SPON1: variants seen among roughly 807,000 people sequenced by gnomAD.
SPON1 encodes the protein spondin-1.
Under a neutral mutation model 111.7 loss-of-function variants are expected in SPON1, and 52 were observed. That is an observed-to-expected ratio of 0.47 (90% confidence interval 0.37 to 0.59). SPON1 has a LOEUF of 0.59. SPON1 is among the 20% of genes least tolerant of loss of function. The pLI is 0.00. For synonymous variants in SPON1, 410 were observed against 395.8 expected (o/e 1.04, Z -0.43); for missense variants, 957 against 1,068.5 (o/e 0.90, Z 1.46).
At chr11:14,202,364 T>A (rs1022813057) in intron 6 of SPON1, among the ~76,000 whole-genome samples, 6 of 152,172 alleles carry the variant, frequency 3.9e-5, no homozygotes, top group Non-Finnish European at 8.8e-5. Flanking sequence ...GAGTTTTTAG[T>A]GTATGCAGCT....
chr11:14,102,559 G>A (rs1849152267), intron 5 of SPON1, among the ~76,000 whole-genome samples: 2 of 152,146 alleles, frequency 1.3e-5, no homozygotes, highest in Non-Finnish European at 2.9e-5. Flanking sequence ...CAGTTTTGTA[G>A]CAAATCAAAA....
At chr11:13,995,389 A>G (rs1458785251) in intron 2 of SPON1, among the ~76,000 whole-genome samples, 1 of 152,274 alleles carries the variant, frequency 6.6e-6, no homozygotes, top group South Asian at 2.1e-4. Flanking sequence ...ACAGTTCTGC[A>G]TAGCTGGGGA....
intron 5 of SPON1, among the ~76,000 whole-genome samples, chr11:14,084,871 GT>G (rs1395949599): frequency 1.3e-5 from 2 of 152,104 alleles, no homozygotes; most frequent in African/African-American, 2.4e-5. Flanking sequence ...TCTCATTGTG[GT>G]TTTGATTTGC....
At chr11:14,248,740 G>A (rs1449071548) in intron 7 of SPON1, among the ~76,000 whole-genome samples, 1 of 152,158 alleles carries the variant, frequency 6.6e-6, no homozygotes, top group East Asian at 1.9e-4. Flanking sequence ...TCGCCGCCCA[G>A]TGGAAAGCCA....
rs782136117 is a variant in SPON1 at position 14,248,364 on chromosome 11, C to A, written c.890+4968C>A. Among the ~76,000 whole-genome samples the A allele has an allele frequency of 2.1e-4, 32 of 151,994 alleles. 1 individual carries two copies. Among genetic ancestry groups the A allele is most frequent in the South Asian group, 8.3e-4 (4 of 4,798 alleles). Reference sequence around the variant, plus strand: ...CAAGGGGATGAAAGAGTCAAAGGAGCATTTTTTTTTTCTTTTTTAAGATGG... The same window carrying A: ...CAAGGGGATGAAAGAGTCAAAGGAGAATTTTTTTTTTCTTTTTTAAGATGG... On this transcript the variant is annotated intron_variant, in intron 7 of 15. Coordinates refer to ENST00000576479, the MANE Select transcript of SPON1 (RefSeq NM_006108.4).
chr11:14,123,999 T>G (rs962072156), intron 5 of SPON1, among the ~76,000 whole-genome samples: 22 of 152,216 alleles, frequency 1.4e-4, no homozygotes, highest in African/African-American at 5.3e-4. Context: ...TTAATCAGAG[T>G]CAGAAGCAGA....
chr11:14,230,555 G>A (rs1203341374), intron 6 of SPON1, among the ~76,000 whole-genome samples: 2 of 152,054 alleles, frequency 1.3e-5, no homozygotes, highest in African/African-American at 2.4e-5. Context: ...CTGCCATGGC[G>A]CTCTGTCCCC....
At chr11:14,045,634 T>C (rs550778527) in intron 3 of SPON1, among the ~76,000 whole-genome samples, 1 of 143,672 alleles carries the variant, frequency 7.0e-6, no homozygotes, top group East Asian at 2.0e-4. Flanking sequence ...ATATATATTA[T>C]ATTTAAAATA....
intron 5 of SPON1, among the ~76,000 whole-genome samples, chr11:14,122,804 T>G (rs546200614): frequency 5.9e-5 from 9 of 152,190 alleles, no homozygotes; most frequent in Non-Finnish European, 1.2e-4. Flanking sequence ...TTGAACATAT[T>G]GATAATAGCT....
At chr11:14,073,471 G>A (rs145829597) in intron 3 of SPON1, among the ~76,000 whole-genome samples, 2 of 152,188 alleles carry the variant, frequency 1.3e-5, no homozygotes, top group African/African-American at 4.8e-5. Context: ...CTTACCACTC[G>A]TAGGTCCTCC....
At position 14,257,752 on chromosome 11, in the gene SPON1, C is replaced by T. The variant is rs1554941379; in HGVS notation, c.1346C>T (p.Ser449Phe). 2 of 1,613,112 alleles carry T rather than the reference C, an allele frequency of 1.2e-6. No homozygotes were observed. Among genetic ancestry groups the T allele is most frequent in the Admixed American group, 1.7e-5 (1 of 59,936 alleles). Residue 449 changes from serine to phenylalanine, a missense_variant, in exon 11 of 16, where the codon TCC (serine) becomes TTC (phenylalanine). This residue lies in a region of SPON1 where 549 missense variants were observed against 606.2 expected (regional missense o/e 0.91). Coordinates refer to ENST00000576479, the MANE Select transcript of SPON1 (RefSeq NM_006108.4). ...TPETCIYSNWSPWSACSSSTC... is the reference protein window; with the variant it reads ...TPETCIYSNWFPWSACSSSTC... ...GAAACCTGCATCTACTCCAACTGGT[C>T]CCCATGGTCCGCCTGCAGCTCCTCC... is the stretch of plus-strand genomic sequence containing the variant.
chr11:14,033,433 A>G (rs1554916286), intron 2 of SPON1, among the ~76,000 whole-genome samples: 1 of 152,170 alleles, frequency 6.6e-6, no homozygotes, highest in South Asian at 2.1e-4. Context: ...TGTCTCTTGA[A>G]CCAGAAAGTG....
intron 3 of SPON1, among the ~76,000 whole-genome samples, chr11:14,051,568 CCT>C (rs559891426): frequency 6.6e-6 from 1 of 151,852 alleles, no homozygotes; most frequent in Non-Finnish European, 1.5e-5. Flanking sequence ...GGGCTTCCTT[CCT>C]CTCTCTGTCA....
intron 2 of SPON1, among the ~76,000 whole-genome samples, chr11:13,998,494 G>T (rs1848290644): frequency 6.6e-6 from 1 of 152,086 alleles, no homozygotes. Flanking sequence ...CATCCCATTT[G>T]GAATCTGTGC....
rs1847430383 is a variant in SPON1 at position 14,124,198 on chromosome 11, A to T, written c.677-11222A>T. Among the ~76,000 whole-genome samples the T allele has an allele frequency of 3.9e-5, 6 of 152,260 alleles. No homozygotes were observed. The South Asian group carries it at 1.2e-3, about 32-fold the overall frequency. ...TATACACACACACTCACACACACAC[A>T]CACACGCACACACTACCATGACCTA... On this transcript the variant is annotated intron_variant, in intron 5 of 15. Coordinates refer to ENST00000576479, the MANE Select transcript of SPON1 (RefSeq NM_006108.4).
chr11:14,188,813 G>A (rs1438761038), intron 6 of SPON1, among the ~76,000 whole-genome samples: 2 of 152,152 alleles, frequency 1.3e-5, no homozygotes, highest in African/African-American at 4.8e-5. Context: ...CTGTCACACA[G>A]GGTAGTTGTG....
rs147248535 is a variant in SPON1, at chr11:14,106,967, C to T, written c.676+26946C>T. ...GGAACACATGAAGAAAGGCTTAGGACGAAGCAAAACTTTTTCACAACCACC... is the reference window on the plus strand; with the variant it reads ...GGAACACATGAAGAAAGGCTTAGGATGAAGCAAAACTTTTTCACAACCACC... On this transcript the variant is annotated intron_variant, in intron 5 of 15. Transcript: ENST00000576479. Among the ~76,000 whole-genome samples, 1,384 of 152,228 alleles carry T rather than the reference C, an allele frequency of 9.1e-3. 19 individuals are homozygous for T. The highest frequency in any genetic ancestry group is 0.064 in the South Asian group (309 of 4,826).
At chr11:14,043,867 A>G (rs1848649225) in intron 3 of SPON1, among the ~76,000 whole-genome samples, 1 of 152,236 alleles carries the variant, frequency 6.6e-6, no homozygotes, top group Admixed American at 6.5e-5. Context: ...CATTCTTCCA[A>G]CAAATGCAAC....
At chr11:14,021,915 G>T (rs1330732341) in intron 2 of SPON1, among the ~76,000 whole-genome samples, 1 of 152,110 alleles carries the variant, frequency 6.6e-6, no homozygotes, top group African/African-American at 2.4e-5. Context: ...AAGAACAAAG[G>T]GACCAGGGAT....
Sources: allele counts gnomAD v4.1 joint callset (sites outside exome capture counted in the v4.1 genomes callset), GRCh38; gene constraint gnomAD v4.1.1; regional missense constraint gnomAD v4.1.1; transcripts MANE v1.5; gene names NCBI Gene and HGNC (gene_info 2026-07-23, HGNC 2026-07-21).